MAP4K4: variants seen among roughly 807,000 people sequenced by gnomAD.
The protein encoded by MAP4K4 is HPK/GCK-like kinase HGK.
In MAP4K4, 38 loss-of-function variants were observed where a neutral mutation model predicts 189.6. That is an observed-to-expected ratio of 0.20 (90% CI 0.15 to 0.26). The LOEUF (loss-of-function observed/expected upper bound fraction) is 0.26, where lower values mean the gene tolerates loss of function less well. MAP4K4 is among the 10% of genes least tolerant of loss of function. The probability of loss-of-function intolerance (pLI) is 1.00; values close to 1 mark genes in which losing one functional copy is unlikely to be tolerated. For synonymous variants in MAP4K4, 610 were observed against 624.3 expected, an observed-to-expected ratio of 0.98 and a Z score of 0.34; for missense variants, 1,054 against 1,726.9, an observed-to-expected ratio of 0.61 and a Z score of 6.91.
At chr2:101,875,405 C>T (rs901828869) in intron 26 of MAP4K4, among the ~76,000 whole-genome samples, 1 of 151,592 alleles carries the variant, frequency 6.6e-6, no homozygotes, top group Non-Finnish European at 1.5e-5. Context: ...GTCACTATGC[C>T]CACAAGCATT....
intron 5 of MAP4K4, among the ~76,000 whole-genome samples, chr2:101,828,436 C>T (rs1374113154): frequency 2.0e-5 from 3 of 152,150 alleles, no homozygotes. Flanking sequence ...TTTCTCTAGT[C>T]AGTGCTTTGC....
intron 2 of MAP4K4, among the ~76,000 whole-genome samples, chr2:101,744,804 G>A (rs907978028): frequency 6.6e-6 from 1 of 152,156 alleles, no homozygotes; most frequent in Non-Finnish European, 1.5e-5. Context: ...AATGTAGCTA[G>A]CCTATAGTTC....
At chr2:101,837,269 C>T (rs1180534798) in intron 9 of MAP4K4, among the ~76,000 whole-genome samples, 2 of 151,928 alleles carry the variant, frequency 1.3e-5, no homozygotes, top group Middle Eastern at 6.8e-3. Flanking sequence ...GTTTACTCAC[C>T]TTCTGGTGAT....
chr2:101,747,281 G>A (rs1357191805), intron 2 of MAP4K4, among the ~76,000 whole-genome samples: 1 of 152,056 alleles, frequency 6.6e-6, no homozygotes, highest in African/African-American at 2.4e-5. Context: ...ACCAGGCCCG[G>A]CTAATTTTTG....
chr2:101,708,393 G>A (rs572046033), intron 2 of MAP4K4, among the ~76,000 whole-genome samples: 45 of 152,312 alleles, frequency 3.0e-4, no homozygotes, highest in African/African-American at 1.1e-3. Flanking sequence ...ACAAGGGTAA[G>A]CAGTGCGTAA....
Position 101,797,889 on chromosome 2 carries a change from G to GTGTTTTTTTTTTTTTTTTTTTTTTTTT in MAP4K4, c.180+7114_180+7115insGTTTTTTTTTTTTTTTTTTTTTTTTTT, listed in dbSNP as rs1553478618. Among the ~76,000 whole-genome samples, 34 of 52,326 alleles carry GTGTTTTTTTTTTTTTTTTTTTTTTTTT rather than the reference G, an allele frequency of 6.5e-4. 9 individuals carry two copies. The highest frequency in any genetic ancestry group is 1.7e-3 in the African/African-American group (23 of 13,156). The allele number at this position is 52,326 out of a possible 152,430, so 34.3% of individuals were successfully genotyped here. A position where few individuals can be genotyped will look rare whatever the true frequency, so the allele number is the denominator to read the frequency against. The stretch of plus-strand genomic sequence containing the variant: ...TGAAGCTTTTTAAAACATTCTTTTA[G>GTGTTTTTTTTTTTTTTTTTTTTTTTTT]TTTTTTTTTTTTTTTTTTTTTGGAG... On this transcript the variant is annotated intron_variant, in intron 3 of 32. Transcript: ENST00000324219.
chr2:101,718,411 G>A (rs188671920), intron 2 of MAP4K4, among the ~76,000 whole-genome samples: 1 of 152,298 alleles, frequency 6.6e-6, no homozygotes, highest in East Asian at 1.9e-4. Context: ...GAAACCAAGT[G>A]TTAAGGCATT....
intron 2 of MAP4K4, among the ~76,000 whole-genome samples, chr2:101,789,694 A>G (rs867195785): frequency 6.6e-6 from 1 of 152,194 alleles, no homozygotes; most frequent in Non-Finnish European, 1.5e-5. Flanking sequence ...TCTGTTTTAC[A>G]TCTGTTGCAG....
chr2:101,849,478 G>A (rs2097210921), intron 12 of MAP4K4, among the ~76,000 whole-genome samples: 1 of 151,572 alleles, frequency 6.6e-6, no homozygotes, highest in South Asian at 2.1e-4. Flanking sequence ...CACATCTTTG[G>A]CTCATACAAG....
chr2:101,708,239 G>A (rs1406060128), intron 2 of MAP4K4, among the ~76,000 whole-genome samples: 2 of 152,136 alleles, frequency 1.3e-5, no homozygotes, highest in African/African-American at 2.4e-5. Context: ...AGTCCACCAT[G>A]TTTAACCAAA....
chr2:101,825,046 G>A (rs930942484), intron 4 of MAP4K4, among the ~76,000 whole-genome samples: 2 of 152,198 alleles, frequency 1.3e-5, no homozygotes, highest in Non-Finnish European at 2.9e-5. Context: ...CTGTGCCCAT[G>A]TGCTTCTGAG....
exon 27 of MAP4K4, chr2:101,877,072 A>G (rs1334942278): frequency 6.2e-7 from 1 of 1,613,992 alleles, no homozygotes; most frequent in Non-Finnish European, 8.5e-7. Flanking sequence ...GGGAAGGTCT[A>G]TCCTCTTATC....
intron 23 of MAP4K4, 106 bp downstream of exon 23, chr2:101,870,521 T>C (rs566803572): frequency 2.0e-6 from 3 of 1,471,952 alleles, no homozygotes; most frequent in Admixed American, 2.0e-5. Flanking sequence ...TCTGTTTTCA[T>C]GTTAACAAGT....
At chr2:101,894,345 CTT>C (rs1303405379) in exon 33 of MAP4K4, 2 of 152,742 alleles carry the variant, frequency 1.3e-5, no homozygotes, top group African/African-American at 4.8e-5. Context: ...GTTTTTTACT[CTT>C]TTCTCATGCA....
At chr2:101,879,945 A>G (rs894045528) in intron 27 of MAP4K4, among the ~76,000 whole-genome samples, 31 of 151,332 alleles carry the variant, frequency 2.0e-4, no homozygotes, top group African/African-American at 6.6e-4. Context: ...TTAATTTGCA[A>G]TTTCCTAATG....
At chr2:101,755,934 T>C (rs895662523) in intron 2 of MAP4K4, among the ~76,000 whole-genome samples, 39 of 120,622 alleles carry the variant, frequency 3.2e-4, no homozygotes, top group African/African-American at 1.1e-3. Flanking sequence ...TTTTTCTTTT[T>C]TTTTTTTTTT....
intron 30 of MAP4K4, 53 bp downstream of exon 30, chr2:101,887,290 A>G: frequency 6.4e-7 from 1 of 1,559,138 alleles, no homozygotes; most frequent in Non-Finnish European, 8.7e-7. Context: ...TTTTGTTTTG[A>G]CTTTCTTCTT....
intron 3 of MAP4K4, among the ~76,000 whole-genome samples, chr2:101,814,662 G>T (rs1199012486): frequency 1.3e-5 from 2 of 152,200 alleles, no homozygotes; most frequent in Non-Finnish European, 2.9e-5. Context: ...AGCATCAAGA[G>T]CCAAGGTGAT....
chr2:101,744,699 G>A (rs2064402993), intron 2 of MAP4K4, among the ~76,000 whole-genome samples: 2 of 152,042 alleles, frequency 1.3e-5, no homozygotes, highest in South Asian at 4.1e-4. Context: ...CTCTTCCCTC[G>A]CTTGAAGACA....
Sources: gnomAD v4.1 joint callset for allele counts (sites outside exome capture counted in the v4.1 genomes callset) on GRCh38, gnomAD v4.1.1 for gene constraint, MANE v1.5 for transcripts, NCBI Gene and HGNC (gene_info 2026-07-23, HGNC 2026-07-21) for gene names.